The following ADAMTS20 variants were observed in gnomAD, a reference collection of about 807,000 sequenced individuals.
The protein encoded by ADAMTS20 is ADAM metallopeptidase with thrombospondin type 1 motif 20.
In ADAMTS20, 225 loss-of-function variants were observed where a neutral mutation model predicts 260.1. The observed-to-expected ratio is 0.87, with a 90% CI of 0.78 to 0.97. ADAMTS20 has a LOEUF of 0.97. Among genes scored for constraint, ADAMTS20 ranks in the 50% least tolerant of loss-of-function variants. ADAMTS20 has a pLI of 0.00. For synonymous variants in ADAMTS20, 802 were observed against 769.5 expected (o/e 1.04, Z -0.70); for missense variants, 2,400 against 2,337.7 (o/e 1.03, Z -0.55).
At chr12:43,533,374 C>T (rs1045775772) in intron 2 of ADAMTS20, among the ~76,000 whole-genome samples, 5 of 151,046 alleles carry the variant, frequency 3.3e-5, no homozygotes, top group Non-Finnish European at 7.4e-5. Flanking sequence ...CTCCCATTCA[C>T]AATTGCTTCA....
In ADAMTS20 at chr12:43,376,338, G is replaced by A; in HGVS notation, c.5126-8C>T. The stretch of plus-strand genomic sequence containing the variant: ...AGGTGGTAAATGATTTACCTTCAAA[G>A]ACAAATTAACACAACTTAACACAGA... On this transcript the variant is annotated splice_region_variant and splice_polypyrimidine_tract_variant and intron_variant, in intron 33 of 38. Coordinates refer to ENST00000389420, the MANE Select transcript of ADAMTS20 (RefSeq NM_025003.5). The A allele has an allele frequency of 6.5e-7, 1 of 1,542,696 alleles. No individual in the cohort carries two copies. Among genetic ancestry groups the A allele is most frequent in the Non-Finnish European group, 8.8e-7 (1 of 1,141,446 alleles).
chr12:43,436,564 A>G (rs550136685), intron 18 of ADAMTS20, among the ~76,000 whole-genome samples: 1 of 152,252 alleles, frequency 6.6e-6, no homozygotes, highest in African/African-American at 2.4e-5. Flanking sequence ...TAAGTCTTCC[A>G]GATTTAGCAT....
intron 32 of ADAMTS20, 134 bp from the exon 33 acceptor site, chr12:43,376,787 C>G: frequency 1.0e-6 from 1 of 999,250 alleles, no homozygotes; most frequent in South Asian, 2.1e-5. Context: ...ACAGAAGACA[C>G]AAAACTATGC....
At chr12:43,481,034 G>A (rs546104088) in intron 7 of ADAMTS20, among the ~76,000 whole-genome samples, 7 of 152,068 alleles carry the variant, frequency 4.6e-5, no homozygotes, top group Middle Eastern at 3.4e-3. Flanking sequence ...CATTGCCTAC[G>A]TATATCAAAA....
At chr12:43,427,224 AT>A (rs1298066789) in intron 27 of ADAMTS20, 83 bp downstream of exon 27, 1 of 1,432,856 alleles carries the variant, frequency 7.0e-7, no homozygotes, top group Non-Finnish European at 9.4e-7. Context: ...GTGAAATCAG[AT>A]TATTGAACAG....
chr12:43,424,513 A>G (rs1241677550), intron 28 of ADAMTS20, among the ~76,000 whole-genome samples: 2 of 152,166 alleles, frequency 1.3e-5, no homozygotes, highest in African/African-American at 4.8e-5. Context: ...AAATTTCTCT[A>G]CTTTTATAAA....
rs1354957380 is a variant in ADAMTS20, at chr12:43,547,230, C to A, written c.453+3679G>T. Among the ~76,000 whole-genome samples, 9 of 152,170 alleles carry A rather than the reference C, an allele frequency of 5.9e-5. No homozygotes were observed. The East Asian group carries it at 1.4e-3, about 23-fold the overall frequency. On this transcript the variant is annotated intron_variant, in intron 2 of 38. Coordinates refer to ENST00000389420, the MANE Select transcript of ADAMTS20 (RefSeq NM_025003.5). ...ATTTGATTTGTTTTTCATTCTTTTTCTCTAAAAGCCACATTCGCTGCCACC... is the reference window on the plus strand; with the variant it reads ...ATTTGATTTGTTTTTCATTCTTTTTATCTAAAAGCCACATTCGCTGCCACC...
At chr12:43,390,936 A>G (rs1384263325) in intron 29 of ADAMTS20, among the ~76,000 whole-genome samples, 1 of 152,178 alleles carries the variant, frequency 6.6e-6, no homozygotes, top group East Asian at 1.9e-4. Context: ...TATTTTAGAT[A>G]TTTGTTATAG....
chr12:43,412,851 G>A (rs967972460), intron 28 of ADAMTS20, among the ~76,000 whole-genome samples: 2 of 115,006 alleles, frequency 1.7e-5, no homozygotes, highest in Non-Finnish European at 3.3e-5. Context: ...TGGCTCTGTC[G>A]CCCAGGCTGG....
chr12:43,536,230 G>C (rs1266213839), intron 2 of ADAMTS20, among the ~76,000 whole-genome samples: 1 of 152,124 alleles, frequency 6.6e-6, no homozygotes, highest in Non-Finnish European at 1.5e-5. Context: ...CTCATACCTA[G>C]TAAGTGGCGG....
At chr12:43,463,300 C>G (rs188460331) in intron 10 of ADAMTS20, among the ~76,000 whole-genome samples, 68 of 152,124 alleles carry the variant, frequency 4.5e-4, no homozygotes, top group African/African-American at 1.6e-3. Context: ...TACAAGATAT[C>G]TTTCTAAAGA....
Position 43,449,831 on chromosome 12 carries a change from G to A in ADAMTS20, c.2079+2443C>T, listed in dbSNP as rs1178435176. On this transcript the variant is annotated intron_variant, in intron 14 of 38. Transcript: ENST00000389420. The stretch of plus-strand genomic sequence containing the variant: ...CAAGTTTATTAAAGGGTCATCCACA[G>A]ACCTCCTGCATCAACATCACATGGG... 2.0e-5 allele frequency among the ~76,000 whole-genome samples: 3 copies of A among 152,164 alleles called. No homozygotes were observed. The East Asian group carries it at 5.8e-4, about 29-fold the overall frequency.
rs142351546 is a variant in ADAMTS20 at position 43,381,618 on chromosome 12, CA to C, written c.4797+1939del. On this transcript the variant is annotated intron_variant, in intron 31 of 38. Coordinates refer to ENST00000389420, the MANE Select transcript of ADAMTS20 (RefSeq NM_025003.5). ...GCAACACAGGGAGACCCCATCTCTA[CA>C]AAAAAAAAAAAAAAAGCTAGAGATG... is the stretch of plus-strand genomic sequence containing the variant. 8.3e-3 allele frequency among the ~76,000 whole-genome samples: 854 copies of C among 102,700 alleles called. 10 individuals carry two copies. The highest frequency in any genetic ancestry group is 0.026 in the African/African-American group (685 of 26,040). The allele number at this position is 102,700 out of a possible 152,430, so 67.4% of individuals were successfully genotyped here. A position where few individuals can be genotyped will look rare whatever the true frequency, so the allele number is the denominator to read the frequency against.
In ADAMTS20 at chr12:43,544,175, T is replaced by G. The variant is rs1943412667; in HGVS notation, c.453+6734A>C. ...CAAAAAACAAGGATGTGATGTAAGC[T>G]CAAATGAATGAACTAATAAATAGAA... On this transcript the variant is annotated intron_variant, in intron 2 of 38. Transcript: ENST00000389420. Among the ~76,000 whole-genome samples, 4 of 152,204 alleles carry G rather than the reference T, an allele frequency of 2.6e-5. No individual in the cohort carries two copies. In the South Asian group the frequency reaches 8.3e-4, roughly 31 times the overall value.
chr12:43,442,404 T>C (rs1375709043), intron 16 of ADAMTS20, among the ~76,000 whole-genome samples: 1 of 151,996 alleles, frequency 6.6e-6, no homozygotes, highest in Non-Finnish European at 1.5e-5. Context: ...ATTACAGGCA[T>C]GCGCCACCAT....
At chr12:43,504,175 C>A (rs986657183) in intron 3 of ADAMTS20, among the ~76,000 whole-genome samples, 2 of 152,152 alleles carry the variant, frequency 1.3e-5, no homozygotes, top group Non-Finnish European at 2.9e-5. Context: ...ACACTCCCAC[C>A]AGCAGTGTGT....
At chr12:43,399,639 T>G (rs551230208) in intron 28 of ADAMTS20, among the ~76,000 whole-genome samples, 1 of 152,258 alleles carries the variant, frequency 6.6e-6, no homozygotes, top group Non-Finnish European at 1.5e-5. Context: ...TTTTCTATAC[T>G]GTAAAGTATG....
In ADAMTS20 at chr12:43,374,239, TTAA is replaced by T. The variant is rs200679280; in HGVS notation, c.5446+1137_5446+1139del. On this transcript the variant is annotated intron_variant, in intron 36 of 38. Transcript: ENST00000389420. ...GTTCAGTAAATGATAGCCATCATTATTAATAATAATGGTTCATAATTTTATGAC... is the reference window on the plus strand; with the variant it reads ...GTTCAGTAAATGATAGCCATCATTATTAATAATGGTTCATAATTTTATGAC... Among the ~76,000 whole-genome samples, 1,346 of 152,242 alleles carry T rather than the reference TTAA, an allele frequency of 8.8e-3. 22 individuals carry two copies. Among genetic ancestry groups the T allele is most frequent in the African/African-American group, 0.03 (1,265 of 41,538 alleles).
chr12:43,528,363 A>C (rs975273707), intron 3 of ADAMTS20, among the ~76,000 whole-genome samples: 1 of 147,992 alleles, frequency 6.8e-6, no homozygotes, highest in Admixed American at 6.7e-5. Flanking sequence ...AAAAAAAAAA[A>C]AAAAAAAAAA....
Sources: gnomAD v4.1 joint callset for allele counts (sites outside exome capture counted in the v4.1 genomes callset) on GRCh38, gnomAD v4.1.1 for gene constraint, MANE v1.5 for transcripts, NCBI Gene and HGNC (gene_info 2026-07-23, HGNC 2026-07-21) for gene names.